NALF1: variants seen among roughly 807,000 people sequenced by gnomAD.
NALF1 encodes NALCN channel auxiliary factor 1.
In NALF1, 3 loss-of-function variants were observed where a neutral mutation model predicts 48.4. That is an observed-to-expected ratio of 0.06 (90% CI 0.03 to 0.16). NALF1 has a LOEUF of 0.16. Among genes scored for constraint, NALF1 ranks in the 10% least tolerant of loss-of-function variants. The pLI is 1.00. For missense variants in NALF1, 526 were observed against 571.5 expected, an observed-to-expected ratio of 0.92 and a Z score of 0.81; for synonymous variants, 262 against 245.7, an observed-to-expected ratio of 1.07 and a Z score of -0.62.
chr13:107,325,984 C>CAT lies in NALF1; in HGVS notation c.916-115231_916-115230dup, dbSNP rs1348488261. 3.4e-5 allele frequency among the ~76,000 whole-genome samples: 5 copies of CAT among 145,880 alleles called. No individual in the cohort carries two copies. In the East Asian group the frequency reaches 1.0e-3, roughly 29 times the overall value. ...CACACATATATACAACACACATATA[C>CAT]ATATATACATATATATGTATATGTG... On this transcript the variant is annotated intron_variant, in intron 1 of 2. Transcript: ENST00000375915.
Position 107,638,129 on chromosome 13 carries a change from T to C in NALF1, c.915+227553A>G, listed in dbSNP as rs1429082972. Among the ~76,000 whole-genome samples the C allele has an allele frequency of 3.4e-5, 5 of 145,022 alleles. No homozygotes were observed. The South Asian group carries it at 6.5e-4, about 19-fold the overall frequency. On this transcript the variant is annotated intron_variant, in intron 1 of 2. Transcript: ENST00000375915. The stretch of plus-strand genomic sequence containing the variant: ...CTAGAGTGTTTATGGAAATCAAACA[T>C]AGCAATGAACCTATATATGAAAGCA...
At chr13:107,649,394 T>C (rs1270261593) in intron 1 of NALF1, among the ~76,000 whole-genome samples, 1 of 152,228 alleles carries the variant, frequency 6.6e-6, no homozygotes, top group Non-Finnish European at 1.5e-5. Flanking sequence ...TGCTATGTGA[T>C]AAAATTTATA....
chr13:107,568,101 C>T (rs547883889), intron 1 of NALF1, among the ~76,000 whole-genome samples: 39 of 152,260 alleles, frequency 2.6e-4, no homozygotes, highest in African/African-American at 8.2e-4. Flanking sequence ...CTTCAGCCTC[C>T]GGAGTAGCTG....
In NALF1 at chr13:107,168,090, A is replaced by G. The variant is rs1393825322; in HGVS notation, c.*2407T>C. 2.0e-5 allele frequency: 3 copies of G among 152,416 alleles called. No individual in the cohort carries two copies. Among genetic ancestry groups the G allele is most frequent in the Non-Finnish European group, 4.4e-5 (3 of 68,064 alleles). 9.4% of individuals were successfully genotyped at this position (152,416 alleles called of 1,614,324 possible). On this transcript the variant is annotated 3_prime_UTR_variant, in exon 3 of 3. Coordinates refer to ENST00000375915, the MANE Select transcript of NALF1 (RefSeq NM_001080396.3). Reference sequence around the variant, plus strand: ...CGCCTATGGCACGGGGAGAAGCAGCATGAGGAACGCTGAAGAGATGGTGAG... The same window carrying G: ...CGCCTATGGCACGGGGAGAAGCAGCGTGAGGAACGCTGAAGAGATGGTGAG...
At chr13:107,211,856 T>G (rs1341665886) in intron 1 of NALF1, among the ~76,000 whole-genome samples, 1 of 152,238 alleles carries the variant, frequency 6.6e-6, no homozygotes, top group Non-Finnish European at 1.5e-5. Flanking sequence ...CTAAGTAAGC[T>G]GTAAACTTTT....
chr13:107,458,014 AT>A (rs66529735), intron 1 of NALF1, among the ~76,000 whole-genome samples: 26,901 of 152,134 alleles, frequency 0.18, 2,684 homozygotes, highest in African/African-American at 0.26. Flanking sequence ...CTCATACTCT[AT>A]CCCCTTGTCC....
chr13:107,316,685 A>G (rs1229241492), intron 1 of NALF1, among the ~76,000 whole-genome samples: 1 of 152,164 alleles, frequency 6.6e-6, no homozygotes, highest in Non-Finnish European at 1.5e-5. Flanking sequence ...TTTTGGCTGC[A>G]TAAATGTCTT....
intron 1 of NALF1, among the ~76,000 whole-genome samples, chr13:107,612,739 G>T (rs560043485): frequency 1.2e-3 from 184 of 152,206 alleles, no homozygotes; most frequent in Non-Finnish European, 1.8e-4. Context: ...GGCCCTCCTG[G>T]TTCTTAGGCC....
At chr13:107,442,918 A>T (rs1483352764) in intron 1 of NALF1, among the ~76,000 whole-genome samples, 5 of 152,194 alleles carry the variant, frequency 3.3e-5, no homozygotes, top group Non-Finnish European at 7.3e-5. Flanking sequence ...AGAATATTTT[A>T]AAATTGTGTC....
chr13:107,197,827 A>G (rs1035089361), intron 2 of NALF1, among the ~76,000 whole-genome samples: 2 of 152,196 alleles, frequency 1.3e-5, no homozygotes, highest in Non-Finnish European at 2.9e-5. Flanking sequence ...AAATTTTTAT[A>G]TCCTTTAAAA....
intron 1 of NALF1, among the ~76,000 whole-genome samples, chr13:107,764,881 A>G (rs1877378746): frequency 6.6e-6 from 1 of 152,154 alleles, no homozygotes; most frequent in Non-Finnish European, 1.5e-5. Context: ...GCATTCAATT[A>G]ATAAGTTTCC....
intron 1 of NALF1, among the ~76,000 whole-genome samples, chr13:107,452,361 G>A (rs1022417897): frequency 1.3e-5 from 2 of 152,140 alleles, no homozygotes; most frequent in African/African-American, 2.4e-5. Context: ...GAGGCCTCAG[G>A]AAACTTAAAA....
intron 1 of NALF1, among the ~76,000 whole-genome samples, chr13:107,707,954 C>A (rs1490430158): frequency 6.6e-6 from 1 of 152,082 alleles, no homozygotes; most frequent in African/African-American, 2.4e-5. Context: ...TAAATGCATG[C>A]TGTTCTCATA....
chr13:107,766,381 A>G (rs776798867), intron 1 of NALF1, among the ~76,000 whole-genome samples: 2 of 152,174 alleles, frequency 1.3e-5, no homozygotes, highest in Non-Finnish European at 2.9e-5. Flanking sequence ...CATTTTTTTT[A>G]ATCAAATGAA....
chr13:107,511,775 A>G (rs943785753), intron 1 of NALF1, among the ~76,000 whole-genome samples: 1 of 152,198 alleles, frequency 6.6e-6, no homozygotes, highest in Non-Finnish European at 1.5e-5. Context: ...TTCATTTCGT[A>G]TGTTAAAATT....
At chr13:107,406,982 T>C (rs1227507903) in intron 1 of NALF1, among the ~76,000 whole-genome samples, 1 of 152,024 alleles carries the variant, frequency 6.6e-6, no homozygotes, top group Admixed American at 6.6e-5. Flanking sequence ...AGTGAACTCA[T>C]TTTTGACAAA....
chr13:107,439,085 A>G (rs1051205404), intron 1 of NALF1, among the ~76,000 whole-genome samples: 2 of 152,066 alleles, frequency 1.3e-5, no homozygotes, highest in African/African-American at 4.8e-5. Context: ...ATTCACAGAT[A>G]GTTATACTTT....
intron 1 of NALF1, among the ~76,000 whole-genome samples, chr13:107,230,475 G>A (rs1321490143): frequency 6.6e-6 from 1 of 152,028 alleles, no homozygotes; most frequent in Non-Finnish European, 1.5e-5. Context: ...ATATATTGAC[G>A]TTGTATTTAT....
intron 1 of NALF1, among the ~76,000 whole-genome samples, chr13:107,276,906 G>C (rs1352140022): frequency 6.6e-6 from 1 of 151,916 alleles, no homozygotes; most frequent in Non-Finnish European, 1.5e-5. Context: ...TGTCTGATTT[G>C]TTGACCCTAA....
Sources: gnomAD v4.1 joint callset for allele counts (sites outside exome capture counted in the v4.1 genomes callset) on GRCh38, gnomAD v4.1.1 for gene constraint, MANE v1.5 for transcripts, NCBI Gene and HGNC (gene_info 2026-07-23, HGNC 2026-07-21) for gene names.